Variants in CDYL observed in about 807,000 individuals in gnomAD.
CDYL encodes chromodomain Y-like protein.
CDYL carries 8 observed loss-of-function variants against 47.3 expected under a neutral mutation model. The observed-to-expected ratio is 0.17, with a 90% CI of 0.10 to 0.31. The LOEUF (loss-of-function observed/expected upper bound fraction) is 0.31, where lower values mean the gene tolerates loss of function less well. CDYL is among the 10% of genes least tolerant of loss of function. The pLI is 1.00. For missense variants in CDYL, 471 were observed against 701.4 expected, an observed-to-expected ratio of 0.67 and a Z score of 3.71; for synonymous variants, 266 against 265.0, an observed-to-expected ratio of 1.00 and a Z score of -0.04.
chr6:4,748,006 TG>T (rs776514988), intron 3 of CDYL, among the ~76,000 whole-genome samples: 4 of 152,208 alleles, frequency 2.6e-5, no homozygotes, highest in Admixed American at 6.5e-5. Context: ...AGATAGCAGG[TG>T]TTTAATAAAT....
chr6:4,896,958 C>T (rs1206621677), intron 2 of CDYL, among the ~76,000 whole-genome samples: 1 of 150,676 alleles, frequency 6.6e-6, no homozygotes, highest in African/African-American at 2.4e-5. Context: ...TATGTGTTTG[C>T]TTTTTAATTA....
chr6:4,734,206 T>G (rs1757660303), intron 2 of CDYL, among the ~76,000 whole-genome samples: 1 of 152,110 alleles, frequency 6.6e-6, no homozygotes, highest in African/African-American at 2.4e-5. Context: ...GAAAGGTGCC[T>G]TTATGTAAGT....
intron 1 of CDYL, among the ~76,000 whole-genome samples, chr6:4,839,845 G>C (rs1360512583): frequency 6.6e-6 from 1 of 152,064 alleles, no homozygotes; most frequent in Non-Finnish European, 1.5e-5. Flanking sequence ...TTTGAAGTTG[G>C]GTAATGTGAT....
At chr6:4,714,790 GGACT>G (rs1396928165) in intron 1 of CDYL, 2 of 152,214 alleles carry the variant, frequency 1.3e-5, no homozygotes, top group East Asian at 3.9e-4. Flanking sequence ...ACAAACTTGA[GGACT>G]GACTACTACA....
chr6:4,909,499 T>C (rs1361102088), intron 2 of CDYL, among the ~76,000 whole-genome samples: 1 of 152,222 alleles, frequency 6.6e-6, no homozygotes, highest in Non-Finnish European at 1.5e-5. Context: ...TTTATAGATG[T>C]AAGTCATATA....
intron 1 of CDYL, among the ~76,000 whole-genome samples, chr6:4,814,345 A>G (rs1759611158): frequency 6.6e-6 from 1 of 152,192 alleles, no homozygotes; most frequent in Non-Finnish European, 1.5e-5. Flanking sequence ...CCTTTAAGTA[A>G]TTGACTTGAA....
At chr6:4,816,284 T>G in intron 1 of CDYL, among the ~76,000 whole-genome samples, 1 of 151,896 alleles carries the variant, frequency 6.6e-6, no homozygotes, top group South Asian at 2.1e-4. Context: ...CTCTTGATTA[T>G]TTTTGTGTAT....
At chr6:4,874,531 C>T (rs1761566149) in intron 1 of CDYL, among the ~76,000 whole-genome samples, 1 of 152,170 alleles carries the variant, frequency 6.6e-6, no homozygotes, top group Admixed American at 6.5e-5. Flanking sequence ...CATTCTAAGA[C>T]TGATCCCAGA....
chr6:4,786,460 A>G (rs1305917477), intron 1 of CDYL, among the ~76,000 whole-genome samples: 2 of 152,156 alleles, frequency 1.3e-5, no homozygotes, highest in African/African-American at 4.8e-5. Context: ...CGGGTAAAGG[A>G]GGCATTAGCT....
At chr6:4,759,931 AGAAAGAAAAGAAAAG>A (rs1758147284) in intron 3 of CDYL, among the ~76,000 whole-genome samples, 3 of 126,822 alleles carry the variant, frequency 2.4e-5, no homozygotes, top group Middle Eastern at 3.9e-3. Context: ...AAAAAGAAGA[AGAAAGAAAAGAAAAG>A]AAAGAAAGAA....
At chr6:4,763,771 C>T (rs1307535659) in intron 3 of CDYL, among the ~76,000 whole-genome samples, 1 of 152,142 alleles carries the variant, frequency 6.6e-6, no homozygotes, top group Non-Finnish European at 1.5e-5. Flanking sequence ...AGTGAAACCT[C>T]ATCTCTACTA....
intron 2 of CDYL, 101 bp downstream of exon 2, chr6:4,892,480 C>T (rs1387863599): frequency 6.5e-6 from 8 of 1,233,328 alleles, no homozygotes; most frequent in Admixed American, 2.4e-5. Flanking sequence ...CGGGGCTTCT[C>T]ACGGCATCTG....
At chr6:4,930,503 A>G (rs1336834231) in intron 2 of CDYL, among the ~76,000 whole-genome samples, 1 of 152,168 alleles carries the variant, frequency 6.6e-6, no homozygotes, top group Non-Finnish European at 1.5e-5. Flanking sequence ...TAGGCTCACC[A>G]TGTTTGTCTC....
intron 3 of CDYL, among the ~76,000 whole-genome samples, chr6:4,738,877 T>G (rs1757748221): frequency 6.6e-6 from 1 of 152,208 alleles, no homozygotes; most frequent in African/African-American, 2.4e-5. Flanking sequence ...TTAAAAACAA[T>G]GTGGCCGGGC....
intron 2 of CDYL, among the ~76,000 whole-genome samples, chr6:4,913,042 G>C (rs1008066417): frequency 2.0e-4 from 30 of 152,238 alleles, no homozygotes; most frequent in African/African-American, 7.0e-4. Context: ...GAAGTCATCA[G>C]AGCCTTTCTC....
chr6:4,807,779 T>A (rs1008420353), intron 1 of CDYL, among the ~76,000 whole-genome samples: 2 of 151,764 alleles, frequency 1.3e-5, no homozygotes, highest in Non-Finnish European at 2.9e-5. Context: ...AATTTTTAAT[T>A]TTTTTCTGTA....
intron 1 of CDYL, among the ~76,000 whole-genome samples, chr6:4,785,032 A>T (rs1758717839): frequency 6.6e-6 from 1 of 152,100 alleles, no homozygotes; most frequent in Non-Finnish European, 1.5e-5. Context: ...TTTATAAATT[A>T]CCCGGTCTCG....
At chr6:4,751,965 G>T (rs1356652214) in intron 3 of CDYL, among the ~76,000 whole-genome samples, 1 of 152,160 alleles carries the variant, frequency 6.6e-6, no homozygotes, top group African/African-American at 2.4e-5. Flanking sequence ...CAAGGCCACA[G>T]CTGCATGCCG....
chr6:4,765,801 T>G (rs1758243855), intron 3 of CDYL, among the ~76,000 whole-genome samples: 1 of 152,176 alleles, frequency 6.6e-6, no homozygotes, highest in Non-Finnish European at 1.5e-5. Flanking sequence ...TGACCTCGGG[T>G]GATCCACCCA....
Sources: allele counts gnomAD v4.1 joint callset (sites outside exome capture counted in the v4.1 genomes callset), GRCh38; gene constraint gnomAD v4.1.1; transcripts MANE v1.5; gene names NCBI Gene and HGNC (gene_info 2026-07-23, HGNC 2026-07-21).